Variants in CDH10 observed in about 807,000 individuals in gnomAD.
The protein encoded by CDH10 is cadherin-10.
CDH10 carries 30 observed loss-of-function variants against 73.1 expected under a neutral mutation model. That is an observed-to-expected ratio of 0.41 (90% CI 0.31 to 0.56). The LOEUF (loss-of-function observed/expected upper bound fraction) is 0.56, where lower values mean the gene tolerates loss of function less well. Ranked by LOEUF, CDH10 falls within the 20% of genes least tolerant of loss-of-function variation. The pLI is 0.27. For missense variants in CDH10, 815 were observed against 973.7 expected (o/e 0.84, Z 2.17); for synonymous variants, 345 against 348.2 (o/e 0.99, Z 0.10).
At chr5:24,615,854 G>T (rs916874391) in intron 1 of CDH10, among the ~76,000 whole-genome samples, 23 of 152,158 alleles carry the variant, frequency 1.5e-4, no homozygotes, top group Non-Finnish European at 2.8e-4. Flanking sequence ...GGCATGAGGA[G>T]GTCCTTACTG....
At chr5:24,592,458 G>A (rs565858765) in intron 2 of CDH10, among the ~76,000 whole-genome samples, 1 of 151,698 alleles carries the variant, frequency 6.6e-6, no homozygotes, top group Admixed American at 6.6e-5. Flanking sequence ...TTTTTTGTAA[G>A]CTCTCAAGTC....
chr5:24,573,771 ATGTATT>A (rs200936490), intron 2 of CDH10, among the ~76,000 whole-genome samples: 2 of 147,538 alleles, frequency 1.4e-5, no homozygotes, highest in African/African-American at 2.5e-5. Context: ...ATCATAATAT[ATGTATT>A]TATATCTTGT....
chr5:24,500,587 T>G (rs1403419107), intron 8 of CDH10, among the ~76,000 whole-genome samples: 1 of 152,242 alleles, frequency 6.6e-6, no homozygotes, highest in Admixed American at 6.5e-5. Context: ...TATGTTACTT[T>G]GGCCAATTTA....
intron 5 of CDH10, among the ~76,000 whole-genome samples, chr5:24,521,858 G>A (rs923639644): frequency 5.9e-5 from 9 of 152,076 alleles, no homozygotes; most frequent in African/African-American, 1.7e-4. Context: ...TAAGTAGGCC[G>A]TGCCAGGTGG....
chr5:24,569,626 A>G (rs1033925602), intron 2 of CDH10, among the ~76,000 whole-genome samples: 8 of 152,180 alleles, frequency 5.3e-5, no homozygotes, highest in Non-Finnish European at 1.0e-4. Flanking sequence ...ATTACTGCAT[A>G]CTTTTTCTTC....
chr5:24,627,723 T>C (rs1747559363), intron 1 of CDH10, among the ~76,000 whole-genome samples: 2 of 152,138 alleles, frequency 1.3e-5, no homozygotes, highest in Admixed American at 1.3e-4. Context: ...ATGTAGAAAG[T>C]GCTCAATAAA....
intron 2 of CDH10, among the ~76,000 whole-genome samples, chr5:24,585,314 A>C (rs1175754709): frequency 6.6e-6 from 1 of 152,136 alleles, no homozygotes; most frequent in African/African-American, 2.4e-5. Flanking sequence ...ATGAGTTTGT[A>C]TCACTCAACA....
At chr5:24,522,452 A>G (rs1743370952) in intron 5 of CDH10, among the ~76,000 whole-genome samples, 1 of 151,938 alleles carries the variant, frequency 6.6e-6, no homozygotes, top group South Asian at 2.1e-4. Context: ...TTAGGAATGC[A>G]TGAGATCCAG....
At chr5:24,523,154 GATGTCCATTT>G (rs1350033724) in intron 5 of CDH10, among the ~76,000 whole-genome samples, 5 of 152,164 alleles carry the variant, frequency 3.3e-5, no homozygotes, top group Admixed American at 3.3e-4. Flanking sequence ...ATGGGTAACT[GATGTCCATTT>G]TCATCAATCA....
chr5:24,607,289 T>A (rs994457800), intron 1 of CDH10, among the ~76,000 whole-genome samples: 1 of 152,144 alleles, frequency 6.6e-6, no homozygotes, highest in South Asian at 2.1e-4. Context: ...ACATTTTCCC[T>A]TGGAGACAGG....
Position 24,488,011 on chromosome 5 carries a change from G to A in CDH10, c.2019C>T (p.Gly673=), listed in dbSNP as rs141645081. 6.6e-3 allele frequency: 10,724 copies of A among 1,613,838 alleles called. 50 individuals are homozygous for A. Among genetic ancestry groups the A allele is most frequent in the Non-Finnish European group, 8.4e-3 (9,914 of 1,179,920 alleles). Residue 673 remains glycine (G), a synonymous_variant, in exon 12 of 12, where the codon GGC becomes GGT. Coordinates refer to ENST00000264463, the MANE Select transcript of CDH10 (RefSeq NM_006727.5). The stretch of plus-strand genomic sequence containing the variant: ...CAATGGCTGCAGGATTCCTCAGGGT[G>A]CCGATATCAAAGGCCTGGGTGTCCT... ...GEEDTQAFDI[G]TLRNPAAIEE...
At chr5:24,561,523 T>A (rs1335175482) in intron 2 of CDH10, among the ~76,000 whole-genome samples, 2 of 152,130 alleles carry the variant, frequency 1.3e-5, no homozygotes, top group Non-Finnish European at 2.9e-5. Flanking sequence ...TTCGCGACCC[T>A]ACTGCATTTT....
chr5:24,599,676 T>C (rs1231249560), intron 1 of CDH10, among the ~76,000 whole-genome samples: 1 of 152,082 alleles, frequency 6.6e-6, no homozygotes, highest in Non-Finnish European at 1.5e-5. Context: ...ATCAAAAGTA[T>C]AAACATGGAG....
intron 1 of CDH10, among the ~76,000 whole-genome samples, chr5:24,633,722 A>T (rs1404407677): frequency 1.3e-5 from 2 of 151,900 alleles, no homozygotes; most frequent in African/African-American, 4.8e-5. Flanking sequence ...TTTGTAAAAC[A>T]TTTGCTATAA....
intron 2 of CDH10, among the ~76,000 whole-genome samples, chr5:24,544,043 C>T (rs1744250096): frequency 6.6e-6 from 1 of 152,168 alleles, no homozygotes. Flanking sequence ...CGCCTGTAAT[C>T]CCAGCACTTT....
intron 2 of CDH10, among the ~76,000 whole-genome samples, chr5:24,586,473 CTT>C (rs1009532508): frequency 2.2e-5 from 2 of 93,004 alleles, no homozygotes; most frequent in Non-Finnish European, 4.1e-5. Flanking sequence ...GAGTTTAGCT[CTT>C]TTTGCCGAGG....
intron 2 of CDH10, among the ~76,000 whole-genome samples, chr5:24,555,696 T>C (rs1466497814): frequency 6.6e-6 from 1 of 152,186 alleles, no homozygotes; most frequent in Non-Finnish European, 1.5e-5. Flanking sequence ...GAGATTATCA[T>C]CTATCCTCAA....
chr5:24,498,485 A>G lies in CDH10; in HGVS notation c.1428T>C (p.Phe476=). The change falls in exon 9 of 12, where the codon TTT becomes TTC. Residue 476 remains phenylalanine (F), a synonymous_variant. Transcript: ENST00000264463. ...NPKETTRVAV[F]VRILDVNDNA... Reference sequence around the variant, plus strand: ...TGTCATTAACATCCAAAATTCTCACAAAAACAGCCACGCGTGTTGTCTCTT... The same window carrying G: ...TGTCATTAACATCCAAAATTCTCACGAAAACAGCCACGCGTGTTGTCTCTT... 6.2e-7 allele frequency: 1 copy of G among 1,600,320 alleles called. No individual in the cohort carries two copies. The highest frequency in any genetic ancestry group is 8.6e-7 in the Non-Finnish European group (1 of 1,167,526).
At chr5:24,554,187 C>T (rs1158061616) in intron 2 of CDH10, 4 of 123,636 alleles carry the variant, frequency 3.2e-5, no homozygotes, top group African/African-American at 1.0e-4. Context: ...ACTGCAACTT[C>T]GTAAGTAACT....
Sources: gnomAD v4.1 joint callset for allele counts (sites outside exome capture counted in the v4.1 genomes callset) on GRCh38, gnomAD v4.1.1 for gene constraint, MANE v1.5 for transcripts, NCBI Gene and HGNC (gene_info 2026-07-23, HGNC 2026-07-21) for gene names.